Variants in SCHIP1 observed in about 807,000 individuals in gnomAD.
SCHIP1 encodes the protein schwannomin-interacting protein 1.
SCHIP1 carries 8 observed loss-of-function variants against 29.7 expected under a neutral mutation model. That is an observed-to-expected ratio of 0.27 (90% CI 0.16 to 0.49). The LOEUF (loss-of-function observed/expected upper bound fraction) is 0.49, where lower values mean the gene tolerates loss of function less well. Among genes scored for constraint, SCHIP1 ranks in the 20% least tolerant of loss-of-function variants. The pLI, the probability that SCHIP1 is intolerant of heterozygous loss-of-function variation, is 0.99. For synonymous variants in SCHIP1, 76 were observed against 94.9 expected, an observed-to-expected ratio of 0.80 and a Z score of 1.16; for missense variants, 193 against 294.6, an observed-to-expected ratio of 0.66 and a Z score of 2.52.
At chr3:159,583,157 C>T in the SCHIP1 span, among the ~76,000 whole-genome samples, 1 of 152,114 alleles carries the variant, frequency 6.6e-6, no homozygotes. Flanking sequence ...CACAACCTAT[C>T]ACATTTGACC....
chr3:159,574,980 G>A, the SCHIP1 span, among the ~76,000 whole-genome samples: 268 of 152,340 alleles, frequency 1.8e-3, 1 homozygote, highest in African/African-American at 6.2e-3. Context: ...ATTTGGGCAG[G>A]AGTGTCCCGT....
At chr3:159,804,741 C>T in the SCHIP1 span, among the ~76,000 whole-genome samples, 2 of 152,252 alleles carry the variant, frequency 1.3e-5, no homozygotes, top group Non-Finnish European at 1.5e-5. Context: ...TTGGTTGGCT[C>T]CTGGTTAGGA....
At chr3:159,644,868 A>AT in the SCHIP1 span, among the ~76,000 whole-genome samples, 1 of 152,098 alleles carries the variant, frequency 6.6e-6, no homozygotes, top group Non-Finnish European at 1.5e-5. Flanking sequence ...ATTTGGGGGA[A>AT]TAAAAACTAA....
chr3:159,392,463 CA>C, the SCHIP1 span, among the ~76,000 whole-genome samples: 3 of 142,648 alleles, frequency 2.1e-5, no homozygotes, highest in Non-Finnish European at 4.5e-5. Context: ...CCTCCCCCCT[CA>C]CCCCACCCCA....
chr3:159,723,234 T>C, the SCHIP1 span, among the ~76,000 whole-genome samples: 7 of 152,222 alleles, frequency 4.6e-5, no homozygotes, highest in East Asian at 9.6e-4. Context: ...TGTAATTAAG[T>C]TAGAAAATAA....
At chr3:159,629,567 G>C in the SCHIP1 span, among the ~76,000 whole-genome samples, 1 of 152,158 alleles carries the variant, frequency 6.6e-6, no homozygotes, top group Admixed American at 6.5e-5. Context: ...CAGAATGAAA[G>C]TGACTTGTTG....
the SCHIP1 span, among the ~76,000 whole-genome samples, chr3:159,684,447 A>G: frequency 6.6e-6 from 1 of 152,152 alleles, no homozygotes; most frequent in Non-Finnish European, 1.5e-5. Flanking sequence ...TTCTTCTTTC[A>G]GTGGCATTAA....
At chr3:159,444,940 C>T in the SCHIP1 span, among the ~76,000 whole-genome samples, 1 of 152,100 alleles carries the variant, frequency 6.6e-6, no homozygotes, top group Non-Finnish European at 1.5e-5. Context: ...TTGACCTAGG[C>T]GTTACCATTC....
the SCHIP1 span, among the ~76,000 whole-genome samples, chr3:159,784,379 C>A: frequency 3.5e-4 from 54 of 152,288 alleles, 1 homozygote; most frequent in South Asian, 0.011. Context: ...CAGCTTTCAC[C>A]TTCTCTGCAG....
At chr3:159,452,131 TTTC>T in the SCHIP1 span, among the ~76,000 whole-genome samples, 69 of 148,552 alleles carry the variant, frequency 4.6e-4, no homozygotes, top group African/African-American at 1.5e-3. Context: ...TCTCAAAACA[TTTC>T]TTCTTTTTTT....
chr3:159,546,851 T>C, the SCHIP1 span, among the ~76,000 whole-genome samples: 1 of 151,820 alleles, frequency 6.6e-6, no homozygotes, highest in Non-Finnish European at 1.5e-5. Context: ...TTCCAAGTCT[T>C]TGCTATTGTA....
the SCHIP1 span, among the ~76,000 whole-genome samples, chr3:159,345,771 G>A: frequency 6.6e-6 from 1 of 152,160 alleles, no homozygotes; most frequent in African/African-American, 2.4e-5. Context: ...AGTGCAGACA[G>A]GAAAGGGCTA....
chr3:159,687,716 C>A, the SCHIP1 span, among the ~76,000 whole-genome samples: 1 of 152,166 alleles, frequency 6.6e-6, no homozygotes, highest in African/African-American at 2.4e-5. Context: ...CCATCAATTA[C>A]ATTAGGTATT....
At chr3:159,377,750 TA>T in the SCHIP1 span, among the ~76,000 whole-genome samples, 1 of 152,252 alleles carries the variant, frequency 6.6e-6, no homozygotes, top group African/African-American at 2.4e-5. Flanking sequence ...AACACTTTTT[TA>T]AAAGTGTCTT....
chr3:159,426,564 T>C, the SCHIP1 span, among the ~76,000 whole-genome samples: 1 of 151,652 alleles, frequency 6.6e-6, no homozygotes, highest in South Asian at 2.1e-4. Context: ...CGAAAAAGAG[T>C]CCAGGATCAG....
At chr3:159,366,376 G>T in the SCHIP1 span, among the ~76,000 whole-genome samples, 4 of 152,230 alleles carry the variant, frequency 2.6e-5, no homozygotes, top group East Asian at 7.7e-4. Context: ...TTTGGGCAGA[G>T]ACAAATATTC....
chr3:159,580,100 A>C, the SCHIP1 span, among the ~76,000 whole-genome samples: 1 of 152,160 alleles, frequency 6.6e-6, no homozygotes, highest in African/African-American at 2.4e-5. Context: ...AAAACATTTA[A>C]GATTCTGTTA....
At chr3:159,444,746 G>C in the SCHIP1 span, among the ~76,000 whole-genome samples, 1 of 152,192 alleles carries the variant, frequency 6.6e-6, no homozygotes, top group African/African-American at 2.4e-5. Flanking sequence ...AAGGACTCCA[G>C]AACGATTTCT....
the SCHIP1 span, among the ~76,000 whole-genome samples, chr3:159,741,201 A>G: frequency 1.1e-3 from 166 of 152,348 alleles, no homozygotes; most frequent in Non-Finnish European, 1.9e-3. Flanking sequence ...ATATAAAAAT[A>G]GAGAAGAATG....
Sources: allele counts gnomAD v4.1 joint callset (sites outside exome capture counted in the v4.1 genomes callset), GRCh38; gene constraint gnomAD v4.1.1; transcripts MANE v1.5; gene names NCBI Gene and HGNC (gene_info 2026-07-23, HGNC 2026-07-21).